Variants in FSCN2 observed in about 807,000 individuals in gnomAD.
The protein encoded by FSCN2 is fascin actin-bundling protein 2, retinal, also known as fascin-2.
FSCN2 carries 46 observed loss-of-function variants against 37.8 expected under a neutral mutation model. The ratio of observed to expected loss-of-function variants is 1.22; its 90% confidence interval spans 0.96 to 1.56. FSCN2 has a LOEUF of 1.56. Among genes scored for constraint, FSCN2 ranks in the 40% most tolerant of loss-of-function variants. FSCN2 has a pLI of 0.00. For missense variants in FSCN2, 844 were observed against 730.4 expected (o/e 1.16, Z -1.79); for synonymous variants, 351 against 309.4 (o/e 1.13, Z -1.41).
upstream of FSCN2, among the ~76,000 whole-genome samples, chr17:81,528,219 C>T (rs921333367): frequency 6.6e-6 from 1 of 152,222 alleles, no homozygotes. Context: ...CTCAGGCCCT[C>T]GGGCTCTGGG....
At chr17:81,520,885 C>T in the FSCN2 span, among the ~76,000 whole-genome samples, 1 of 152,224 alleles carries the variant, frequency 6.6e-6, no homozygotes, top group East Asian at 1.9e-4. Context: ...CTTTTGTTTT[C>T]TGTTCTTCTG....
chr17:81,523,936 A>G (rs1276427708), upstream of FSCN2: 1 of 152,388 alleles, frequency 6.6e-6, no homozygotes, highest in Non-Finnish European at 1.5e-5. Context: ...GCCGGTCACC[A>G]TGGCAGCAGA....
intron 1 of FSCN2, chr17:81,530,156 G>T (rs2032502987): frequency 6.9e-6 from 2 of 289,624 alleles, no homozygotes; most frequent in Non-Finnish European, 6.9e-6. Context: ...CCAGGGTAGG[G>T]CAGGGAGCTG....
chr17:81,529,233 C>T lies in FSCN2; in HGVS notation c.702C>T (p.Pro234=), dbSNP rs371255330. Residue 234 remains proline, a synonymous_variant, in exon 1 of 5, where the codon CCC becomes CCT. Coordinates refer to ENST00000417245, the MANE Select transcript of FSCN2 (RefSeq NM_012418.4). The part of the protein sequence containing the change: ...CDGHYLAPVG[P]AGTLKAGRNT... ...GCCACTACCTGGCACCCGTGGGGCCCGCAGGCACCCTCAAGGCCGGCCGAA... is the reference window on the plus strand; with the variant it reads ...GCCACTACCTGGCACCCGTGGGGCCTGCAGGCACCCTCAAGGCCGGCCGAA... 33 of 1,599,052 alleles carry T rather than the reference C, an allele frequency of 2.1e-5. No individual in the cohort carries two copies. Among genetic ancestry groups the T allele is most frequent in the African/African-American group, 1.9e-4 (14 of 74,580 alleles).
the FSCN2 span, among the ~76,000 whole-genome samples, chr17:81,515,632 C>T: frequency 6.6e-6 from 1 of 152,366 alleles, no homozygotes; most frequent in Non-Finnish European, 1.5e-5. Flanking sequence ...TGCACTGCCC[C>T]ACCTCCAGCT....
chr17:81,536,210 G>T lies in FSCN2; in HGVS notation c.1048G>T (p.Gly350Trp). ...GCGGGTAGCACTCAAAGCCAGCAAC[G>T]GGCGCTACGTGTGCATGAAGAAGAA... Reference protein sequence around the residue: ...GRRVALKASNGRYVCMKKNGQ... With the variant: ...GRRVALKASNWRYVCMKKNGQ... Residue 350 changes from glycine to tryptophan, a missense_variant, in exon 3 of 5, where the codon GGG becomes TGG. Transcript: ENST00000417245. 2 of 1,600,778 alleles carry T rather than the reference G, an allele frequency of 1.2e-6. No individual in the cohort carries two copies. Among genetic ancestry groups the T allele is most frequent in the East Asian group, 2.3e-5 (1 of 44,276 alleles).
chr17:81,531,878 G>C (rs1380373615), intron 1 of FSCN2, among the ~76,000 whole-genome samples: 5 of 146,824 alleles, frequency 3.4e-5, no homozygotes, highest in Non-Finnish European at 7.5e-5. Context: ...TGATGGTGAT[G>C]ATGGTGATGG....
chr17:81,526,494 G>A (rs939596659), upstream of FSCN2, among the ~76,000 whole-genome samples: 5 of 152,196 alleles, frequency 3.3e-5, no homozygotes, highest in Admixed American at 6.5e-5. Flanking sequence ...AGCCGGGCAC[G>A]GTAGCAAGTG....
chr17:81,518,963 T>A, the FSCN2 span: 1 of 152,222 alleles, frequency 6.6e-6, no homozygotes, highest in Non-Finnish European at 1.5e-5. Context: ...TACCCGAGTC[T>A]TAGCCACGCC....
the FSCN2 span, among the ~76,000 whole-genome samples, chr17:81,516,855 A>G: frequency 6.9e-6 from 1 of 144,174 alleles, no homozygotes; most frequent in African/African-American, 2.5e-5. Flanking sequence ...TGTGTTGTCC[A>G]ATTCTCACCT....
intron 1 of FSCN2, among the ~76,000 whole-genome samples, chr17:81,534,254 G>A (rs1568080940): frequency 6.7e-6 from 1 of 150,242 alleles, no homozygotes; most frequent in African/African-American, 2.5e-5. Flanking sequence ...GATGGGATCT[G>A]GCCCCACCCT....
rs782248477 is a variant in FSCN2, at chr17:81,528,625, A to G, written c.94A>G (p.Lys32Glu). 1.9e-6 allele frequency: 3 copies of G among 1,606,624 alleles called. No homozygotes were observed. The African/African-American group carries it at 4.0e-5, about 21-fold the overall frequency. The change falls in exon 1 of 5, where the codon AAG becomes GAG. Residue 32 changes from lysine to glutamate, a missense_variant. Transcript: ENST00000417245. ...CCTGACAGCTGAGAGCTTCGGCTTCAAGGTCAATGCCTCGGCACCCAGCCT... is the reference window on the plus strand; with the variant it reads ...CCTGACAGCTGAGAGCTTCGGCTTCGAGGTCAATGCCTCGGCACCCAGCCT... The part of the protein sequence containing the change: ...RYLTAESFGF[K>E]VNASAPSLKR...
rs781884332 is a variant in FSCN2, at chr17:81,528,603, G to A, written c.72G>A (p.Leu24=). 2 of 1,607,692 alleles carry A rather than the reference G, an allele frequency of 1.2e-6. No individual in the cohort carries two copies. Among genetic ancestry groups the A allele is most frequent in the Non-Finnish European group, 8.5e-7 (1 of 1,178,056 alleles). Residue 24 remains leucine, a synonymous_variant, in exon 1 of 5, where the codon CTG becomes CTA. Coordinates refer to ENST00000417245, the MANE Select transcript of FSCN2 (RefSeq NM_012418.4). ...FGLVNDTDRY[L]TAESFGFKVN... ...TCGTCAACGACACTGACCGCTACCT[G>A]ACAGCTGAGAGCTTCGGCTTCAAGG...
At chr17:81,528,263 C>G (rs1316895431), upstream of FSCN2, 4 of 483,926 alleles carry the variant, frequency 8.3e-6, no homozygotes, top group Non-Finnish European at 1.5e-5. Flanking sequence ...GAAATCCAAG[C>G]TGAGGGTAAT....
upstream of FSCN2, among the ~76,000 whole-genome samples, chr17:81,525,656 C>G (rs1406616212): frequency 1.3e-5 from 2 of 151,634 alleles, no homozygotes; most frequent in African/African-American, 2.4e-5. Context: ...ACCTGGGAGG[C>G]AGAGGTTGCA....
the FSCN2 span, among the ~76,000 whole-genome samples, chr17:81,515,912 T>A: frequency 2.0e-5 from 3 of 152,294 alleles, no homozygotes; most frequent in African/African-American, 7.2e-5. Flanking sequence ...TGGCGCGATC[T>A]TGGCTCGCTG....
At chr17:81,526,113 C>T (rs1261268004), upstream of FSCN2, among the ~76,000 whole-genome samples, 3 of 152,218 alleles carry the variant, frequency 2.0e-5, no homozygotes, top group Non-Finnish European at 4.4e-5. Flanking sequence ...CCAGGCTTCC[C>T]CCTGCTGAGC....
rs1263443185 is a variant in FSCN2 at position 81,536,781 on chromosome 17, G to A, written c.1265G>A (p.Arg422Gln). The A allele has an allele frequency of 5.6e-6, 9 of 1,594,540 alleles. No individual in the cohort carries two copies. The Admixed American group carries it at 1.4e-4, about 24-fold the overall frequency. ...CTGAGCTTCAGCGACGGCGCCTACCGGATCCGAGGTGCGTGGCGGGGCGGG... is the reference window on the plus strand; with the variant it reads ...CTGAGCTTCAGCGACGGCGCCTACCAGATCCGAGGTGCGTGGCGGGGCGGG... ...FHLSFSDGAY[R>Q]IRGRDGGFWY... Residue 422 changes from arginine to glutamine, a missense_variant, in exon 4 of 5, where the codon CGG (arginine) becomes CAG (glutamine). Transcript: ENST00000417245.
At chr17:81,518,431 G>A in the FSCN2 span, among the ~76,000 whole-genome samples, 1 of 141,208 alleles carries the variant, frequency 7.1e-6, no homozygotes, top group Admixed American at 7.0e-5. Flanking sequence ...CGTGCAGGAA[G>A]CCCAAGTAGG....
Sources: allele counts gnomAD v4.1 joint callset (sites outside exome capture counted in the v4.1 genomes callset), GRCh38; gene constraint gnomAD v4.1.1; transcripts MANE v1.5; gene names NCBI Gene and HGNC (gene_info 2026-07-23, HGNC 2026-07-21).